SCYL3: variants seen among roughly 807,000 people sequenced by gnomAD.
SCYL3 encodes SCY1 like pseudokinase 3.
Under a neutral mutation model 73.8 loss-of-function variants are expected in SCYL3, and 35 were observed. The ratio of observed to expected loss-of-function variants is 0.47; its 90% CI spans 0.36 to 0.63. The LOEUF (loss-of-function observed/expected upper bound fraction) is 0.63, where lower values mean the gene tolerates loss of function less well. Ranked by LOEUF, SCYL3 falls within the 20% of genes least tolerant of loss-of-function variation. The pLI is 0.00. For missense variants in SCYL3, 712 were observed against 798.9 expected (o/e 0.89, Z 1.31); for synonymous variants, 277 against 295.2 (o/e 0.94, Z 0.63).
At chr1:169,884,932 T>C (rs1386762201) in intron 2 of SCYL3, among the ~76,000 whole-genome samples, 1 of 152,246 alleles carries the variant, frequency 6.6e-6, no homozygotes, top group Admixed American at 6.5e-5. Context: ...CAGAATCAAA[T>C]AGGACATTTT....
intron 11 of SCYL3, chr1:169,855,997 T>G: frequency 6.3e-7 from 1 of 1,590,960 alleles, no homozygotes; most frequent in Non-Finnish European, 8.6e-7. Flanking sequence ...AAAGGGACAG[T>G]AAATTGCTTC....
intron 11 of SCYL3, among the ~76,000 whole-genome samples, chr1:169,858,736 A>G (rs142981840): frequency 1.3e-3 from 201 of 152,134 alleles, no homozygotes; most frequent in African/African-American, 4.6e-3. Context: ...TAATGTCATG[A>G]GACCATCATG....
At chr1:169,893,230 TTATTC>T (rs1662207663) in intron 1 of SCYL3, among the ~76,000 whole-genome samples, 1 of 152,168 alleles carries the variant, frequency 6.6e-6, no homozygotes, top group Admixed American at 6.5e-5. Context: ...TGTTTCATCT[TTATTC>T]TAAACAGAAA....
chr1:169,887,048 C>T (rs1374090451), intron 2 of SCYL3, among the ~76,000 whole-genome samples: 1 of 152,108 alleles, frequency 6.6e-6, no homozygotes, highest in Non-Finnish European at 1.5e-5. Context: ...TCTAGCACAT[C>T]GAATGCCATA....
chr1:169,851,914 A>C lies in SCYL3; in HGVS notation c.*1799T>G, dbSNP rs149928320. 1,878 of 1,614,086 alleles carry C rather than the reference A, an allele frequency of 1.2e-3. 19 individuals are homozygous for C. Among genetic ancestry groups the C allele is most frequent in the African/African-American group, 2.3e-3 (172 of 75,050 alleles). On this transcript the variant is annotated 3_prime_UTR_variant, in exon 13 of 13. Coordinates refer to ENST00000367771, the MANE Select transcript of SCYL3 (RefSeq NM_020423.7). ...CCCTTTGCTAATGTGACTGTAGAAG[A>C]AGCAAAGAGGTCATCTTTACAGGTA... is the stretch of plus-strand genomic sequence containing the variant.
chr1:169,860,684 T>A (rs1410559062), intron 10 of SCYL3, among the ~76,000 whole-genome samples: 1 of 152,242 alleles, frequency 6.6e-6, no homozygotes, highest in Non-Finnish European at 1.5e-5. Flanking sequence ...CTGAATATGA[T>A]AATCATAAAA....
Position 169,893,424 on chromosome 1 carries a change from C to A in SCYL3, c.-51+364G>T, listed in dbSNP as rs1460659239. 3.3e-5 allele frequency among the ~76,000 whole-genome samples: 5 copies of A among 152,060 alleles called. No homozygotes were observed. In the East Asian group the frequency reaches 9.7e-4, roughly 30 times the overall value. ...ACCCTCGCCCTGCTTGCCGCGACCC[C>A]GCGGGGTCACTGAAGGGCCGAGGCG... On this transcript the variant is annotated intron_variant, in intron 1 of 12. Transcript: ENST00000367771.
chr1:169,871,369 C>A (rs1571418071), intron 5 of SCYL3, among the ~76,000 whole-genome samples: 1 of 152,206 alleles, frequency 6.6e-6, no homozygotes, highest in African/African-American at 2.4e-5. Flanking sequence ...AGTTTCCCTG[C>A]ATAAGCTCTC....
chr1:169,888,656 G>C lies in SCYL3; in HGVS notation c.165+20C>G. On this transcript the variant is annotated intron_variant, in intron 2 of 12. Coordinates refer to ENST00000367771, the MANE Select transcript of SCYL3 (RefSeq NM_020423.7). ...GATAGTAAAAAGTACTAACTATTAA[G>C]TCGTCACCTATTATGGTACCTTGGC... 6.3e-7 allele frequency: 1 copy of C among 1,598,146 alleles called. No individual in the cohort carries two copies. Among genetic ancestry groups the C allele is most frequent in the Non-Finnish European group, 8.6e-7 (1 of 1,168,878 alleles).
chr1:169,870,407 T>C (rs926170154), intron 5 of SCYL3, 50 bp from the exon 6 acceptor site: 3 of 1,283,862 alleles, frequency 2.3e-6, no homozygotes, highest in Non-Finnish European at 2.2e-6. Flanking sequence ...TTATAAGCCA[T>C]TTCTAATTTT....
intron 7 of SCYL3, 149 bp downstream of exon 7, chr1:169,868,779 G>A (rs1028619888): frequency 7.2e-6 from 4 of 554,914 alleles, no homozygotes; most frequent in South Asian, 2.5e-5. Flanking sequence ...ATTTTCTCCT[G>A]TGGACATGAT....
At chr1:169,858,843 T>C (rs1221844758) in intron 11 of SCYL3, among the ~76,000 whole-genome samples, 198 bp downstream of exon 11, 1 of 152,116 alleles carries the variant, frequency 6.6e-6, no homozygotes, top group Non-Finnish European at 1.5e-5. Context: ...TATCTGTGTG[T>C]CTTTTTGCAA....
intron 11 of SCYL3, among the ~76,000 whole-genome samples, 191 bp from the exon 12 acceptor site, chr1:169,855,155 C>T (rs1659013671): frequency 6.6e-6 from 1 of 152,178 alleles, no homozygotes; most frequent in South Asian, 2.1e-4. Flanking sequence ...CAAATAATTA[C>T]ATAATACTTA....
chr1:169,870,664 G>A (rs190208581), intron 5 of SCYL3, among the ~76,000 whole-genome samples: 14 of 152,018 alleles, frequency 9.2e-5, no homozygotes, highest in Admixed American at 2.6e-4. Flanking sequence ...ATACATACAC[G>A]TGCATAAATA....
Position 169,850,042 on chromosome 1 carries a change from A to G in SCYL3, c.*3671T>C. On this transcript the variant is annotated 3_prime_UTR_variant, in exon 13 of 13. Coordinates refer to ENST00000367771, the MANE Select transcript of SCYL3 (RefSeq NM_020423.7). ...CATAAGGGAGTCCAGAAGCATTAGTATGACCCAGCAGAAGTAATTAAAGCT... is the reference window on the plus strand; with the variant it reads ...CATAAGGGAGTCCAGAAGCATTAGTGTGACCCAGCAGAAGTAATTAAAGCT... 1.8e-6 allele frequency: 1 copy of G among 552,460 alleles called. No homozygotes were observed. Among genetic ancestry groups the G allele is most frequent in the Admixed American group, 3.1e-5 (1 of 32,048 alleles). 34.2% of individuals were successfully genotyped at this position (552,460 alleles called of 1,614,324 possible).
At chr1:169,868,069 G>A (rs778365172) in intron 7 of SCYL3, among the ~76,000 whole-genome samples, 5 of 152,036 alleles carry the variant, frequency 3.3e-5, no homozygotes, top group Admixed American at 6.5e-5. Flanking sequence ...CAAAAAAGAC[G>A]ATCATAATGG....
At chr1:169,876,663 T>A (rs1660836604) in intron 3 of SCYL3, among the ~76,000 whole-genome samples, 1 of 152,016 alleles carries the variant, frequency 6.6e-6, no homozygotes, top group Non-Finnish European at 1.5e-5. Context: ...ACCAGAAATA[T>A]CCCACAGACT....
In SCYL3 at chr1:169,874,640, G is replaced by C. The variant is rs530599303; in HGVS notation, c.466-888C>G. Among the ~76,000 whole-genome samples, 46 of 152,290 alleles carry C rather than the reference G, an allele frequency of 3.0e-4. 1 individual carries two copies. The highest frequency in any genetic ancestry group is 2.6e-3 in the Admixed American group (40 of 15,290). On this transcript the variant is annotated intron_variant, in intron 4 of 12. Transcript: ENST00000367771. Reference sequence around the variant, plus strand: ...CAGACTATAGCTCAAGAACTCTTGAGTGAGGCCAGGCTCGGTGGCTCATAT... The same window carrying C: ...CAGACTATAGCTCAAGAACTCTTGACTGAGGCCAGGCTCGGTGGCTCATAT...
Position 169,853,067 on chromosome 1 carries a change from A to AAAC in SCYL3, c.*643_*645dup. 7.1e-7 allele frequency: 1 copy of AAAC among 1,411,414 alleles called. No individual in the cohort carries two copies. Among genetic ancestry groups the AAAC allele is most frequent in the Non-Finnish European group, 9.8e-7 (1 of 1,016,422 alleles). The allele number at this position is 1,411,414 out of a possible 1,614,324, so 87.4% of individuals were successfully genotyped here. On this transcript the variant is annotated 3_prime_UTR_variant, in exon 13 of 13. Transcript: ENST00000367771. ...GTCTGTACATTTTCTAACAGATATA[A>AAAC]AACAAATTTTGTAAAGTTGAATCTA...
Sources: allele counts gnomAD v4.1 joint callset (sites outside exome capture counted in the v4.1 genomes callset), GRCh38; gene constraint gnomAD v4.1.1; transcripts MANE v1.5; gene names NCBI Gene and HGNC (gene_info 2026-07-23, HGNC 2026-07-21).